The following SCHIP1 variants were observed in gnomAD, a reference collection of about 807,000 sequenced individuals.
SCHIP1 encodes schwannomin interacting protein 1.
Under a neutral mutation model 29.7 loss-of-function variants are expected in SCHIP1, and 8 were observed. The ratio of observed to expected loss-of-function variants is 0.27; its 90% CI spans 0.16 to 0.49. SCHIP1 has a LOEUF of 0.49. SCHIP1 is among the 20% of genes least tolerant of loss of function. SCHIP1 has a pLI of 0.99. For synonymous variants in SCHIP1, 76 were observed against 94.9 expected (o/e 0.80, Z 1.16); for missense variants, 193 against 294.6 (o/e 0.66, Z 2.52).
chr3:159,888,666 G>T, intron 4 of SCHIP1, 154 bp from the exon 6 acceptor site: 2 of 1,096,012 alleles, frequency 1.8e-6, no homozygotes, highest in Non-Finnish European at 2.5e-6. Flanking sequence ...TGGATGTAGG[G>T]CCCCACATTG....
chr3:159,690,924 C>A, the SCHIP1 span, among the ~76,000 whole-genome samples: 1 of 152,150 alleles, frequency 6.6e-6, no homozygotes, highest in Non-Finnish European at 1.5e-5. Flanking sequence ...GTTTCTTAAT[C>A]TTGAGTTCTA....
At chr3:159,613,725 C>T in the SCHIP1 span, among the ~76,000 whole-genome samples, 1 of 152,178 alleles carries the variant, frequency 6.6e-6, no homozygotes, top group Non-Finnish European at 1.5e-5. Flanking sequence ...GTTCAGATAG[C>T]TACTGGCTAG....
chr3:159,736,157 A>T, the SCHIP1 span, among the ~76,000 whole-genome samples: 1 of 152,206 alleles, frequency 6.6e-6, no homozygotes, highest in South Asian at 2.1e-4. Flanking sequence ...GGATGTGTAA[A>T]TTTAATGTTT....
the SCHIP1 span, among the ~76,000 whole-genome samples, chr3:159,641,553 G>T: frequency 3.9e-5 from 6 of 152,052 alleles, no homozygotes; most frequent in Non-Finnish European, 5.9e-5. Context: ...TTTGAAAATG[G>T]CAACATATCT....
the SCHIP1 span, among the ~76,000 whole-genome samples, chr3:159,632,118 G>A: frequency 6.6e-6 from 1 of 152,140 alleles, no homozygotes; most frequent in Non-Finnish European, 1.5e-5. Context: ...GATTGTACTA[G>A]GGCTGGCAAC....
At chr3:159,885,973 G>A (rs1039941711) in intron 2 of SCHIP1, among the ~76,000 whole-genome samples, 1 of 152,182 alleles carries the variant, frequency 6.6e-6, no homozygotes, top group East Asian at 1.9e-4. Flanking sequence ...GCTCTAACAT[G>A]GGGCCTTAAA....
the SCHIP1 span, among the ~76,000 whole-genome samples, chr3:159,544,337 G>A: frequency 6.6e-6 from 1 of 152,102 alleles, no homozygotes; most frequent in African/African-American, 2.4e-5. Flanking sequence ...CATGAACAAT[G>A]CTTCAAGAGC....
At chr3:159,389,033 G>A in the SCHIP1 span, among the ~76,000 whole-genome samples, 1 of 151,928 alleles carries the variant, frequency 6.6e-6, no homozygotes, top group African/African-American at 2.4e-5. Context: ...AAAATACTGA[G>A]ATATTTTATC....
the SCHIP1 span, among the ~76,000 whole-genome samples, chr3:159,702,137 A>C: frequency 6.6e-6 from 1 of 152,198 alleles, no homozygotes; most frequent in Non-Finnish European, 1.5e-5. Context: ...GAGAGAGTTT[A>C]CTTACTTGTG....
chr3:159,374,343 G>A, the SCHIP1 span, among the ~76,000 whole-genome samples: 1 of 152,026 alleles, frequency 6.6e-6, no homozygotes, highest in Non-Finnish European at 1.5e-5. Flanking sequence ...GCAGGGTGAT[G>A]GCAAAGTACT....
the SCHIP1 span, among the ~76,000 whole-genome samples, chr3:159,458,540 C>T: frequency 6.6e-6 from 1 of 151,476 alleles, no homozygotes; most frequent in Non-Finnish European, 1.5e-5. Context: ...TTAGTTCAGC[C>T]TCACAACAGA....
chr3:159,384,962 C>T, the SCHIP1 span, among the ~76,000 whole-genome samples: 3 of 152,082 alleles, frequency 2.0e-5, no homozygotes, highest in African/African-American at 7.2e-5. Flanking sequence ...GTGATATCCC[C>T]TTTATCATTT....
chr3:159,740,564 C>T, the SCHIP1 span, among the ~76,000 whole-genome samples: 36 of 152,004 alleles, frequency 2.4e-4, no homozygotes, highest in Middle Eastern at 3.4e-3. Flanking sequence ...CCCAAAAAAT[C>T]CAATGAAATC....
the SCHIP1 span, chr3:159,765,286 C>T: frequency 2.2e-6 from 2 of 919,766 alleles, no homozygotes; most frequent in Non-Finnish European, 3.1e-6. Context: ...AGCCTGCCGT[C>T]TGCTCCCCTG....
the SCHIP1 span, among the ~76,000 whole-genome samples, chr3:159,582,312 G>A: frequency 4.6e-5 from 7 of 151,816 alleles, no homozygotes; most frequent in Admixed American, 2.0e-4. Flanking sequence ...TACAGGCTTG[G>A]GCCACCATGT....
chr3:159,532,347 T>G, the SCHIP1 span, among the ~76,000 whole-genome samples: 6 of 152,164 alleles, frequency 3.9e-5, no homozygotes, highest in Admixed American at 1.3e-4. Context: ...ATCTCAAGAA[T>G]GTAATAGGCA....
At chr3:159,856,726 A>G (rs1373502918) in intron 1 of SCHIP1, among the ~76,000 whole-genome samples, 1 of 152,176 alleles carries the variant, frequency 6.6e-6, no homozygotes, top group Admixed American at 6.5e-5. Context: ...TGTGCATCCA[A>G]TTATGGTGAA....
the SCHIP1 span, among the ~76,000 whole-genome samples, chr3:159,790,070 GA>G: frequency 6.6e-6 from 1 of 151,974 alleles, no homozygotes; most frequent in African/African-American, 2.4e-5. Context: ...CCTCTACCTG[GA>G]CTTTATACTT....
the SCHIP1 span, among the ~76,000 whole-genome samples, chr3:159,429,387 T>C: frequency 6.6e-6 from 1 of 151,966 alleles, no homozygotes; most frequent in African/African-American, 2.4e-5. Flanking sequence ...TGGGGGTAAA[T>C]CTTCCCATCA....
Sources: gnomAD v4.1 joint callset for allele counts (sites outside exome capture counted in the v4.1 genomes callset) on GRCh38, gnomAD v4.1.1 for gene constraint, MANE v1.5 for transcripts, NCBI Gene and HGNC (gene_info 2026-07-23, HGNC 2026-07-21) for gene names.